Variants in CLVS1 observed in about 807,000 individuals in gnomAD.
CLVS1 encodes the protein clavesin 1.
In CLVS1, 10 loss-of-function variants were observed where a neutral mutation model predicts 33.1. The ratio of observed to expected loss-of-function variants is 0.30; its 90% CI spans 0.19 to 0.51. CLVS1 has a LOEUF of 0.51. Among genes scored for constraint, CLVS1 ranks in the 20% least tolerant of loss-of-function variants. The pLI is 0.97. For synonymous variants in CLVS1, 163 were observed against 166.1 expected, an observed-to-expected ratio of 0.98 and a Z score of 0.14; for missense variants, 343 against 433.4, an observed-to-expected ratio of 0.79 and a Z score of 1.85.
the CLVS1 span, among the ~76,000 whole-genome samples, chr8:60,975,783 A>G: frequency 6.6e-6 from 1 of 152,158 alleles, no homozygotes; most frequent in African/African-American, 2.4e-5. Context: ...CACATTAATT[A>G]TAATATTTAA....
intron 2 of CLVS1, among the ~76,000 whole-genome samples, chr8:61,322,071 A>G (rs1006078193): frequency 4.6e-5 from 7 of 152,308 alleles, no homozygotes; most frequent in African/African-American, 1.7e-4. Context: ...AATTCCCAGA[A>G]GGAGAATAGA....
intron 2 of CLVS1, among the ~76,000 whole-genome samples, chr8:61,241,939 G>A (rs1000323849): frequency 6.6e-6 from 1 of 151,640 alleles, no homozygotes; most frequent in African/African-American, 2.4e-5. Flanking sequence ...CACAGTTGTT[G>A]TTTCATTTCT....
intron 2 of CLVS1, among the ~76,000 whole-genome samples, chr8:61,252,744 G>A (rs1808979340): frequency 6.6e-6 from 1 of 152,090 alleles, no homozygotes; most frequent in Non-Finnish European, 1.5e-5. Context: ...CGCAACTCCT[G>A]CTTTTTCTTT....
intron 1 of CLVS1, among the ~76,000 whole-genome samples, chr8:61,067,459 T>G (rs1804703954): frequency 6.7e-6 from 1 of 148,692 alleles, no homozygotes; most frequent in Non-Finnish European, 1.5e-5. Flanking sequence ...AGTTGATATA[T>G]TATTATAATG....
intron 2 of CLVS1, among the ~76,000 whole-genome samples, chr8:61,303,780 G>C (rs1440551015): frequency 6.6e-6 from 1 of 152,158 alleles, no homozygotes; most frequent in Non-Finnish European, 1.5e-5. Context: ...CTATCTAACA[G>C]TATGGTTGGG....
At chr8:61,060,790 G>A (rs11985990) in intron 1 of CLVS1, among the ~76,000 whole-genome samples, 4,424 of 152,208 alleles carry the variant, frequency 0.029, 217 homozygotes, top group African/African-American at 0.1. Flanking sequence ...GATCCAGATA[G>A]GTTAACAAAC....
the CLVS1 span, among the ~76,000 whole-genome samples, chr8:60,990,247 C>T: frequency 6.6e-6 from 1 of 151,428 alleles, no homozygotes; most frequent in African/African-American, 2.4e-5. Context: ...CTGCTAATTC[C>T]AACAAGCTAA....
intron 2 of CLVS1, among the ~76,000 whole-genome samples, chr8:61,135,830 T>C (rs953882660): frequency 2.6e-5 from 4 of 152,226 alleles, no homozygotes; most frequent in Admixed American, 1.3e-4. Flanking sequence ...AAAGAGCCTC[T>C]AGTAGAGATG....
At chr8:61,387,380 C>G (rs1191865802) in intron 3 of CLVS1, among the ~76,000 whole-genome samples, 1 of 151,650 alleles carries the variant, frequency 6.6e-6, no homozygotes, top group African/African-American at 2.4e-5. Context: ...GAGCAAGACT[C>G]CATCTCAAAA....
chr8:61,085,059 A>G lies in CLVS1; in HGVS notation c.-243+27829A>G, dbSNP rs550416510. ...ATACATCAGAACTGCTATATTAGCA[A>G]AACGTTGAAAGGGATTGAGCAGCAA... On this transcript the variant is annotated intron_variant, in intron 1 of 2. Transcript: ENST00000522621. Among the ~76,000 whole-genome samples, 5 of 152,348 alleles carry G rather than the reference A, an allele frequency of 3.3e-5. No homozygotes were observed. The East Asian group carries it at 9.6e-4, about 29-fold the overall frequency.
intron 2 of CLVS1, among the ~76,000 whole-genome samples, chr8:61,149,720 G>T (rs1806491128): frequency 6.6e-6 from 1 of 152,068 alleles, no homozygotes; most frequent in Non-Finnish European, 1.5e-5. Context: ...AATTGCATCT[G>T]GCATTTGAGC....
intron 1 of CLVS1, among the ~76,000 whole-genome samples, chr8:61,097,526 G>A (rs1192923343): frequency 6.6e-6 from 1 of 152,148 alleles, no homozygotes; most frequent in Non-Finnish European, 1.5e-5. Context: ...CTCTAGAGTG[G>A]TGTGAGCACA....
intron 2 of CLVS1, among the ~76,000 whole-genome samples, chr8:61,330,788 A>G (rs1280668996): frequency 6.6e-6 from 1 of 152,072 alleles, no homozygotes; most frequent in African/African-American, 2.4e-5. Context: ...CTGCAGGTTG[A>G]AAAACATTGT....
At chr8:61,486,387 T>A (rs1263344609) in intron 5 of CLVS1, among the ~76,000 whole-genome samples, 4 of 152,244 alleles carry the variant, frequency 2.6e-5, no homozygotes, top group Non-Finnish European at 1.5e-5. Flanking sequence ...AGAACTCATC[T>A]AGTTAGTCTT....
chr8:61,360,175 C>G (rs1024382516), intron 2 of CLVS1, among the ~76,000 whole-genome samples: 3 of 152,282 alleles, frequency 2.0e-5, no homozygotes, highest in Non-Finnish European at 2.9e-5. Flanking sequence ...AAGAACACAC[C>G]TTTCCCACTG....
chr8:61,019,193 C>T, the CLVS1 span, among the ~76,000 whole-genome samples: 2 of 152,244 alleles, frequency 1.3e-5, no homozygotes, highest in Non-Finnish European at 2.9e-5. Context: ...TGAGAGTAGG[C>T]AGTCCATGGA....
At chr8:61,194,312 A>G (rs1162455125) in intron 2 of CLVS1, among the ~76,000 whole-genome samples, 7 of 152,050 alleles carry the variant, frequency 4.6e-5, no homozygotes, top group African/African-American at 1.4e-4. Flanking sequence ...AAAAATGCAC[A>G]TCTAAAAATT....
intron 2 of CLVS1, among the ~76,000 whole-genome samples, chr8:61,247,599 T>C (rs922207649): frequency 6.6e-6 from 1 of 152,236 alleles, no homozygotes; most frequent in African/African-American, 2.4e-5. Context: ...TATGTCTTCT[T>C]TTGAGAAGTG....
chr8:61,188,355 A>T (rs535396738), intron 2 of CLVS1, among the ~76,000 whole-genome samples: 1 of 152,270 alleles, frequency 6.6e-6, no homozygotes, highest in African/African-American at 2.4e-5. Flanking sequence ...GAGTATTCAT[A>T]CAAATAACTT....
Sources: allele counts gnomAD v4.1 joint callset (sites outside exome capture counted in the v4.1 genomes callset), GRCh38; gene constraint gnomAD v4.1.1; transcripts MANE v1.5; gene names NCBI Gene and HGNC (gene_info 2026-07-23, HGNC 2026-07-21).